NIBAN3: variants seen among roughly 807,000 people sequenced by gnomAD.
NIBAN3 encodes protein Niban 3.
Under a neutral mutation model 76.4 loss-of-function variants are expected in NIBAN3, and 66 were observed. That is an observed-to-expected ratio of 0.86 (90% CI 0.71 to 1.06). NIBAN3 has a LOEUF of 1.06. Among genes scored for constraint, NIBAN3 ranks in the 50% least tolerant of loss-of-function variants. The pLI, the probability that NIBAN3 is intolerant of heterozygous loss-of-function variation, is 0.00. For synonymous variants in NIBAN3, 360 were observed against 355.2 expected (o/e 1.01, Z -0.15); for missense variants, 808 against 810.7 (o/e 1.00, Z 0.04).
Position 17,530,845 on chromosome 19 carries a change from G to GC in NIBAN3, c.149dup (p.Gln51SerfsTer19). On this transcript the variant is annotated frameshift_variant, in exon 2 of 15. Transcript: ENST00000599164. LOFTEE classifies it high-confidence loss of function. Reference sequence around the variant, plus strand: ...CTGCGGCAGATCTCTCGAGAGCTGGGCCCTCAGGAGCCGACCGGAAGCCAG... The same window carrying GC: ...CTGCGGCAGATCTCTCGAGAGCTGGGCCCCTCAGGAGCCGACCGGAAGCCAG... 6.2e-7 allele frequency: 1 copy of GC among 1,613,550 alleles called. No individual in the cohort carries two copies. Among genetic ancestry groups the GC allele is most frequent in the Non-Finnish European group, 8.5e-7 (1 of 1,179,910 alleles).
rs755505065 is a variant in NIBAN3 at position 17,551,856 on chromosome 19, G to A, written c.1821G>A (p.Gln607=). The change falls in exon 15 of 15, where the codon CAG becomes CAA. Residue 607 remains glutamine, a synonymous_variant. Transcript: ENST00000599164. ...PRQPDSGAQI[Q]PLCPPPSPGT... ...AGCCAGACTCTGGTGCCCAGATCCA[G>A]CCACTCTGCCCACCGCCTTCTCCAG... 2.6e-6 allele frequency: 2 copies of A among 780,210 alleles called. No homozygotes were observed. Among genetic ancestry groups the A allele is most frequent in the South Asian group, 2.7e-5 (2 of 74,594 alleles). The allele number at this position is 780,210 out of a possible 1,614,324, so 48.3% of individuals were successfully genotyped here. A position where few individuals can be genotyped will look rare whatever the true frequency, so the allele number is the denominator to read the frequency against.
In NIBAN3 at chr19:17,553,162, C is replaced by G; in HGVS notation, c.*1264C>G. ...ATTTCAGTGAATTGCCTGTTCATAG[C>G]TTTTTTCTACTTTTCAGGAGTGTTT... is the stretch of plus-strand genomic sequence containing the variant. On this transcript the variant is annotated 3_prime_UTR_variant, in exon 15 of 15. Coordinates refer to ENST00000599164, the MANE Select transcript of NIBAN3 (RefSeq NM_001321827.2). 1.7e-6 allele frequency: 2 copies of G among 1,175,678 alleles called. No individual in the cohort carries two copies. The highest frequency in any genetic ancestry group is 2.3e-6 in the Non-Finnish European group (2 of 861,964). 72.8% of individuals were successfully genotyped at this position (1,175,678 alleles called of 1,614,324 possible). A position where few individuals can be genotyped will look rare whatever the true frequency, so the allele number is the denominator to read the frequency against.
intron 5 of NIBAN3, 40 bp from the exon 6 acceptor site, chr19:17,539,109 AG>A (rs1388754625): frequency 1.3e-6 from 2 of 1,511,924 alleles, no homozygotes; most frequent in Admixed American, 4.1e-5. Flanking sequence ...GGAGCCAGGC[AG>A]GGGAGCTACC....
intron 7 of NIBAN3, 66 bp downstream of exon 7, chr19:17,539,517 C>T: frequency 6.8e-7 from 1 of 1,460,940 alleles, no homozygotes; most frequent in South Asian, 1.4e-5. Context: ...CCTCCCACGA[C>T]TGTCGCCTAA....
At chr19:17,554,511 C>T (rs1255102300), downstream of NIBAN3, among the ~76,000 whole-genome samples, 1 of 150,346 alleles carries the variant, frequency 6.7e-6, no homozygotes, top group South Asian at 2.1e-4. Context: ...AAGCTGGGCG[C>T]GGTGGCTCAC....
chr19:17,555,447 T>G (rs2076203548), downstream of NIBAN3: 1 of 207,842 alleles, frequency 4.8e-6, no homozygotes, highest in Non-Finnish European at 9.3e-6. Flanking sequence ...TTCCTAACCC[T>G]AACGCTACCC....
Position 17,539,394 on chromosome 19 carries a change from C to G in NIBAN3, c.759C>G (p.Ala253=), listed in dbSNP as rs1237996105. The change falls in exon 7 of 15, where the codon GCC becomes GCG. Residue 253 remains alanine, a synonymous_variant. Coordinates refer to ENST00000599164, the MANE Select transcript of NIBAN3 (RefSeq NM_001321827.2). The part of the protein sequence containing the change: ...LMREQLPALR[A]QTLPGLRGAG... ...GGGAGCAACTTCCCGCGCTGCGAGCCCAGACCCTTCCTGGCCTGCGGGGGG... is the reference window on the plus strand; with the variant it reads ...GGGAGCAACTTCCCGCGCTGCGAGCGCAGACCCTTCCTGGCCTGCGGGGGG... 5 of 1,538,868 alleles carry G rather than the reference C, an allele frequency of 3.2e-6. No homozygotes were observed. The African/African-American group carries it at 4.1e-5, about 13-fold the overall frequency.
chr19:17,546,486 AT>A, intron 12 of NIBAN3, 199 bp from the exon 13 acceptor site: 1 of 1,035,540 alleles, frequency 9.7e-7, no homozygotes, highest in Non-Finnish European at 1.2e-6. Context: ...AAGTGCTGGG[AT>A]TACAGGCATG....
chr19:17,526,508 G>A (rs2075610220), upstream of NIBAN3, among the ~76,000 whole-genome samples: 1 of 151,270 alleles, frequency 6.6e-6, no homozygotes, highest in African/African-American at 2.4e-5. Flanking sequence ...AGCCAGGCAT[G>A]GTGGTGGCGT....
At position 17,539,652 on chromosome 19, in the gene NIBAN3, T is replaced by A. The variant is rs1439306649; in HGVS notation, c.866T>A (p.Leu289His). 6.4e-7 allele frequency: 1 copy of A among 1,567,746 alleles called. No homozygotes were observed. Among genetic ancestry groups the A allele is most frequent in the Admixed American group, 1.8e-5 (1 of 54,384 alleles). Residue 289 changes from leucine to histidine, a missense_variant, in exon 8 of 15, where the codon CTC becomes CAC. By Grantham distance (99) the Leu-to-His change is moderately conservative. Coordinates refer to ENST00000599164, the MANE Select transcript of NIBAN3 (RefSeq NM_001321827.2). Reference protein sequence around the residue: ...AAVLAGASAGLCAFQPEKDEL... With the variant: ...AAVLAGASAGHCAFQPEKDEL... The stretch of plus-strand genomic sequence containing the variant: ...GTCCTGGCCGGGGCCTCCGCCGGGC[T>A]CTGCGCCTTCCAGCCCGAAAAGGAC...
At chr19:17,529,934 A>G (rs1314954852) in intron 1 of NIBAN3, among the ~76,000 whole-genome samples, 2 of 152,130 alleles carry the variant, frequency 1.3e-5, no homozygotes, top group African/African-American at 4.8e-5. Context: ...TGGCACGTGC[A>G]CATGATCCCA....
Position 17,532,407 on chromosome 19 carries a change from G to A in NIBAN3, c.312+19G>A. On this transcript the variant is annotated intron_variant, in intron 3 of 14. Coordinates refer to ENST00000599164, the MANE Select transcript of NIBAN3 (RefSeq NM_001321827.2). ...CAAGGAGGTGCGTGATTGGCACGTG[G>A]CCTTTCTACTTCTGGGTCCCTCCTT... is the stretch of plus-strand genomic sequence containing the variant. 1 of 1,614,176 alleles carries A rather than the reference G, an allele frequency of 6.2e-7. No homozygotes were observed. Among genetic ancestry groups the A allele is most frequent in the Non-Finnish European group, 8.5e-7 (1 of 1,180,042 alleles).
At chr19:17,533,468 G>A (rs2075768854) in intron 3 of NIBAN3, 119 bp from the exon 4 acceptor site, 4 of 615,318 alleles carry the variant, frequency 6.5e-6, no homozygotes, top group South Asian at 2.1e-5. Flanking sequence ...AGGGAGGGAG[G>A]GGTGGGAGGG....
chr19:17,553,847 C>T (rs1485015741), downstream of NIBAN3: 20 of 281,190 alleles, frequency 7.1e-5, no homozygotes. Flanking sequence ...TCATCAAGTC[C>T]ACAGAGTGTA....
downstream of NIBAN3, chr19:17,553,828 G>T (rs2076192204): frequency 9.3e-6 from 3 of 323,070 alleles, no homozygotes; most frequent in African/African-American, 2.1e-5. Flanking sequence ...AATATGAAAA[G>T]ACCTTTCCTC....
intron 1 of NIBAN3, among the ~76,000 whole-genome samples, chr19:17,528,073 G>GT (rs368705922): frequency 0.012 from 1,770 of 147,976 alleles, 37 homozygotes; most frequent in African/African-American, 0.04. Flanking sequence ...CCCCTTTATG[G>GT]TTTTTTTTTT....
chr19:17,544,996 C>G (rs1402397404), intron 12 of NIBAN3, among the ~76,000 whole-genome samples: 1 of 151,728 alleles, frequency 6.6e-6, no homozygotes, highest in African/African-American at 2.4e-5. Flanking sequence ...GACCCCACCT[C>G]TACAAAAAAT....
chr19:17,528,042 A>G (rs541200227), intron 1 of NIBAN3, among the ~76,000 whole-genome samples: 8 of 150,364 alleles, frequency 5.3e-5, no homozygotes, highest in Non-Finnish European at 1.2e-4. Context: ...CATAGTGCAC[A>G]CTTATGCTGA....
Position 17,539,368 on chromosome 19 carries a change from C to A in NIBAN3, c.733C>A (p.Arg245=), listed in dbSNP as rs371969596. The A allele has an allele frequency of 2.3e-4, 350 of 1,543,408 alleles. No individual in the cohort carries two copies. The highest frequency in any genetic ancestry group is 2.9e-4 in the Non-Finnish European group (331 of 1,146,632). ...DAEVLTAVLM[R]EQLPALRAQT... is the part of the protein sequence containing the mutation. The stretch of plus-strand genomic sequence containing the variant: ...GCAGGTGCTGACCGCGGTGCTGATG[C>A]GGGAGCAACTTCCCGCGCTGCGAGC... Residue 245 remains arginine, a synonymous_variant, in exon 7 of 15, where the codon CGG becomes AGG. Coordinates refer to ENST00000599164, the MANE Select transcript of NIBAN3 (RefSeq NM_001321827.2).
Sources: allele counts gnomAD v4.1 joint callset (sites outside exome capture counted in the v4.1 genomes callset), GRCh38; gene constraint gnomAD v4.1.1; transcripts MANE v1.5; gene names NCBI Gene and HGNC (gene_info 2026-07-23, HGNC 2026-07-21).